Variants in TPRG1 observed in about 807,000 individuals in gnomAD.
TPRG1 encodes tumor protein p63 regulated 1, also known as tumor protein p63-regulated gene 1 protein.
In TPRG1, 29 loss-of-function variants were observed where a neutral mutation model predicts 29.3. The observed-to-expected ratio is 0.99, with a 90% CI of 0.74 to 1.35. TPRG1 has a LOEUF of 1.35. Ranked by LOEUF, TPRG1 falls within the 40% of genes most tolerant of loss-of-function variation. The pLI, the probability that TPRG1 is intolerant of heterozygous loss-of-function variation, is 0.00. For synonymous variants in TPRG1, 130 were observed against 116.8 expected, an observed-to-expected ratio of 1.11 and a Z score of -0.73; for missense variants, 327 against 335.0, an observed-to-expected ratio of 0.98 and a Z score of 0.19.
At chr3:189,043,616 TG>T (rs1714772383) in intron 4 of TPRG1, among the ~76,000 whole-genome samples, 1 of 152,200 alleles carries the variant, frequency 6.6e-6, no homozygotes, top group Non-Finnish European at 1.5e-5. Context: ...TACAATTTTT[TG>T]GGCGACAACT....
rs149523336 is a variant in TPRG1, at chr3:189,024,599, G to A, written c.-463+653G>A. On this transcript the variant is annotated intron_variant, in intron 4 of 10. Coordinates refer to the TPRG1 transcript ENST00000433971. ...GGTTTCTTCCTTGTCCAGACGGTTT[G>A]GACTCTCTAAAGCCTGCAGTCTGGA... Among the ~76,000 whole-genome samples, 822 of 152,290 alleles carry A rather than the reference G, an allele frequency of 5.4e-3. 5 individuals carry two copies. Among genetic ancestry groups the A allele is most frequent in the African/African-American group, 0.019 (788 of 41,554 alleles).
At chr3:189,070,997 T>G (rs1446120206) in intron 4 of TPRG1, among the ~76,000 whole-genome samples, 2 of 149,014 alleles carry the variant, frequency 1.3e-5, no homozygotes, top group African/African-American at 5.0e-5. Context: ...GGTGACTTGA[T>G]GAAACTTCTG....
chr3:189,291,652 A>G (rs1187667355), intron 4 of TPRG1, among the ~76,000 whole-genome samples: 1 of 152,222 alleles, frequency 6.6e-6, no homozygotes, highest in Non-Finnish European at 1.5e-5. Flanking sequence ...TTTTAACCCC[A>G]CGACAATTCT....
At chr3:189,244,684 C>T (rs1284132313) in intron 4 of TPRG1, among the ~76,000 whole-genome samples, 2 of 152,140 alleles carry the variant, frequency 1.3e-5, no homozygotes, top group East Asian at 3.9e-4. Context: ...GAGAAATAGG[C>T]CCCCATGATC....
At chr3:189,183,633 T>A (rs548461427) in intron 1 of TPRG1, among the ~76,000 whole-genome samples, 1 of 152,156 alleles carries the variant, frequency 6.6e-6, no homozygotes, top group East Asian at 1.9e-4. Flanking sequence ...CCAGGGATGT[T>A]CCTTGCTGAG....
intron 1 of TPRG1, among the ~76,000 whole-genome samples, chr3:189,102,087 C>T (rs1326306261): frequency 6.6e-6 from 1 of 152,140 alleles, no homozygotes; most frequent in Non-Finnish European, 1.5e-5. Context: ...GGGGTTTCAA[C>T]CTTGGTCATC....
chr3:189,208,127 A>G (rs1379794279), intron 2 of TPRG1, among the ~76,000 whole-genome samples: 1 of 152,206 alleles, frequency 6.6e-6, no homozygotes, highest in Non-Finnish European at 1.5e-5. Context: ...TGGAGCTGGG[A>G]AAGTAAATGG....
chr3:189,197,274 C>T (rs1159715784), intron 1 of TPRG1, among the ~76,000 whole-genome samples: 2 of 152,200 alleles, frequency 1.3e-5, no homozygotes, highest in African/African-American at 4.8e-5. Flanking sequence ...CTGCTTCTTT[C>T]TTGTTCATCT....
chr3:189,186,952 C>T (rs1048948868), intron 1 of TPRG1, among the ~76,000 whole-genome samples: 2 of 143,332 alleles, frequency 1.4e-5, no homozygotes, highest in African/African-American at 5.2e-5. Context: ...ATCATATTTT[C>T]TAGGCCTTTA....
chr3:189,254,616 C>T (rs1024005013), intron 4 of TPRG1, among the ~76,000 whole-genome samples: 26 of 151,996 alleles, frequency 1.7e-4, no homozygotes, highest in African/African-American at 3.6e-4. Context: ...TTGGGCAGTA[C>T]GGCCATTTTC....
At chr3:189,272,229 C>T (rs746811980) in intron 4 of TPRG1, among the ~76,000 whole-genome samples, 4 of 152,176 alleles carry the variant, frequency 2.6e-5, no homozygotes, top group Non-Finnish European at 5.9e-5. Flanking sequence ...TTGGGATCTG[C>T]TTTGACTTGT....
At chr3:189,153,364 G>A (rs535762583) in intron 5 of TPRG1, among the ~76,000 whole-genome samples, 1 of 152,334 alleles carries the variant, frequency 6.6e-6, no homozygotes, top group South Asian at 2.1e-4. Context: ...CATCACCAAA[G>A]AATGAAGAAA....
chr3:189,314,764 C>A (rs1723220965), intron 5 of TPRG1, among the ~76,000 whole-genome samples: 1 of 152,016 alleles, frequency 6.6e-6, no homozygotes, highest in Admixed American at 6.6e-5. Flanking sequence ...ATACTATTTT[C>A]ATGTAATTCA....
chr3:189,091,899 T>C (rs1291596283), intron 4 of TPRG1, among the ~76,000 whole-genome samples: 1 of 152,212 alleles, frequency 6.6e-6, no homozygotes, highest in East Asian at 1.9e-4. Context: ...TATTTTTTCC[T>C]AGAGGGCATG....
intron 5 of TPRG1, among the ~76,000 whole-genome samples, chr3:189,166,369 G>A (rs907779759): frequency 6.6e-6 from 1 of 152,186 alleles, no homozygotes; most frequent in Non-Finnish European, 1.5e-5. Context: ...CTTAAGTGGG[G>A]ACACTGACAT....
intron 4 of TPRG1, among the ~76,000 whole-genome samples, chr3:189,041,695 C>T (rs1177161959): frequency 2.0e-5 from 3 of 152,128 alleles, no homozygotes; most frequent in African/African-American, 7.2e-5. Context: ...CCTCTGGTGG[C>T]AGGAGAGAAT....
chr3:189,062,972 T>C (rs540190537), intron 4 of TPRG1, among the ~76,000 whole-genome samples: 2 of 152,028 alleles, frequency 1.3e-5, no homozygotes, highest in Non-Finnish European at 2.9e-5. Flanking sequence ...AGAAAGAGAT[T>C]GGTAGAGTGA....
intron 4 of TPRG1, among the ~76,000 whole-genome samples, chr3:189,260,794 T>C (rs1015909260): frequency 1.3e-5 from 2 of 152,172 alleles, no homozygotes; most frequent in African/African-American, 4.8e-5. Flanking sequence ...ATCTGCCTCC[T>C]GTTGACTTAG....
chr3:189,081,820 AT>A (rs1435488680), intron 4 of TPRG1, among the ~76,000 whole-genome samples: 1 of 151,992 alleles, frequency 6.6e-6, no homozygotes, highest in Non-Finnish European at 1.5e-5. Flanking sequence ...GGTGTTGCAT[AT>A]TTTTTAGGTT....
Sources: gnomAD v4.1 joint callset for allele counts (sites outside exome capture counted in the v4.1 genomes callset) on GRCh38, gnomAD v4.1.1 for gene constraint, MANE v1.5 for transcripts, NCBI Gene and HGNC (gene_info 2026-07-23, HGNC 2026-07-21) for gene names.